WDPCP: variants seen among roughly 807,000 people sequenced by gnomAD.
WDPCP encodes WD repeat containing planar cell polarity effector, also known as WD repeat-containing and planar cell polarity effector protein fritz homolog.
A neutral mutation model predicts 93.1 loss-of-function variants in WDPCP; 71 were observed. The observed-to-expected ratio is 0.76, with a 90% CI of 0.63 to 0.93. The LOEUF (loss-of-function observed/expected upper bound fraction) is 0.93. WDPCP is among the 40% of genes least tolerant of loss of function. The pLI is 0.00. For missense variants in WDPCP, 844 were observed against 887.4 expected (o/e 0.95, Z 0.62); for synonymous variants, 315 against 315.0 (o/e 1.00, Z 0.00).
intron 12 of WDPCP, among the ~76,000 whole-genome samples, chr2:63,336,937 A>G (rs1296955166): frequency 8.1e-6 from 1 of 123,426 alleles, no homozygotes; most frequent in Non-Finnish European, 1.6e-5. Context: ...CTCTGTCACC[A>G]GGTTGGAGTG....
At chr2:63,605,978 T>A (rs754918954) in intron 3 of WDPCP, 1 of 1,614,210 alleles carries the variant, frequency 6.2e-7, no homozygotes, top group Non-Finnish European at 8.5e-7. Flanking sequence ...TGATGGCAAC[T>A]CCTATGGTGT....
At chr2:63,151,397 G>A (rs1319758017) in intron 17 of WDPCP, among the ~76,000 whole-genome samples, 1 of 152,072 alleles carries the variant, frequency 6.6e-6, no homozygotes, top group Non-Finnish European at 1.5e-5. Flanking sequence ...GCTACTTTTT[G>A]TGTTTTTAGT....
chr2:63,128,311 A>G (rs1489574916), intron 17 of WDPCP, among the ~76,000 whole-genome samples: 1 of 152,164 alleles, frequency 6.6e-6, no homozygotes, highest in Non-Finnish European at 1.5e-5. Flanking sequence ...TCAAACATGT[A>G]GCCCCAAGAT....
chr2:63,259,539 T>TTTAAG (rs1681439925), intron 13 of WDPCP, 130 bp from the exon 14 acceptor site: 2 of 808,794 alleles, frequency 2.5e-6, no homozygotes, highest in African/African-American at 1.7e-5. Flanking sequence ...TTTTCTGTGT[T>TTTAAG]TTAAGTTTCT....
At chr2:63,224,522 T>C (rs532524595) in intron 14 of WDPCP, among the ~76,000 whole-genome samples, 3 of 152,120 alleles carry the variant, frequency 2.0e-5, no homozygotes, top group African/African-American at 7.2e-5. Flanking sequence ...AGATAAACTG[T>C]GGTACATTTA....
chr2:63,299,930 A>C (rs1685196390), intron 13 of WDPCP, among the ~76,000 whole-genome samples: 1 of 152,148 alleles, frequency 6.6e-6, no homozygotes, highest in Admixed American at 6.5e-5. Context: ...GGACATTTTT[A>C]AGATGGCGGC....
At chr2:63,520,145 A>G (rs978188894) in intron 1 of WDPCP, among the ~76,000 whole-genome samples, 1 of 152,224 alleles carries the variant, frequency 6.6e-6, no homozygotes, top group Non-Finnish European at 1.5e-5. Flanking sequence ...CAGAGCTTGA[A>G]GACTGGTTCT....
At chr2:63,593,634 G>T, upstream of WDPCP, 2 of 471,642 alleles carry the variant, frequency 4.2e-6, no homozygotes. Context: ...TGCAGGTAGG[G>T]GTAAAGGTGA....
At chr2:63,661,284 T>C (rs1274563563) in intron 2 of WDPCP, among the ~76,000 whole-genome samples, 1 of 152,214 alleles carries the variant, frequency 6.6e-6, no homozygotes, top group East Asian at 1.9e-4. Context: ...AAATAGTTGT[T>C]GGTAGTATTC....
At chr2:63,623,454 A>T (rs951000765) in intron 3 of WDPCP, among the ~76,000 whole-genome samples, 8 of 152,188 alleles carry the variant, frequency 5.3e-5, no homozygotes, top group Non-Finnish European at 1.2e-4. Context: ...GTGTAAAGAC[A>T]CATACAGGCT....
chr2:63,835,679 T>C, the WDPCP span, among the ~76,000 whole-genome samples: 2 of 152,048 alleles, frequency 1.3e-5, no homozygotes, highest in Non-Finnish European at 2.9e-5. Flanking sequence ...AACTTAACAT[T>C]AGTATTTCAT....
chr2:63,295,978 C>T (rs908898001), intron 13 of WDPCP, among the ~76,000 whole-genome samples: 10 of 149,702 alleles, frequency 6.7e-5, no homozygotes, highest in Non-Finnish European at 1.3e-4. Context: ...CATGCAAAGA[C>T]ACAACAAATA....
chr2:63,515,893 G>A (rs1214205400), intron 1 of WDPCP, among the ~76,000 whole-genome samples: 3 of 151,980 alleles, frequency 2.0e-5, no homozygotes, highest in African/African-American at 4.8e-5. Flanking sequence ...GGTGGTGCAC[G>A]TCTGTAATCC....
At chr2:63,157,502 C>T (rs1385573853) in intron 15 of WDPCP, among the ~76,000 whole-genome samples, 3 of 152,086 alleles carry the variant, frequency 2.0e-5, no homozygotes, top group East Asian at 1.9e-4. Flanking sequence ...GTGAAACCAT[C>T]GGGACCTGGA....
chr2:63,700,282 C>CAAAAAAAAAA (rs1196006011), intron 2 of WDPCP, among the ~76,000 whole-genome samples: 41 of 41,540 alleles, frequency 9.9e-4, no homozygotes, highest in Non-Finnish European at 1.1e-3. Flanking sequence ...GACCCTGTCT[C>CAAAAAAAAAA]AAAAAAAAAA....
intron 13 of WDPCP, among the ~76,000 whole-genome samples, chr2:63,300,329 C>G (rs1275367358): frequency 6.6e-6 from 1 of 152,094 alleles, no homozygotes; most frequent in East Asian, 1.9e-4. Context: ...GTCTAGGATA[C>G]CAAGTACAAC....
intron 14 of WDPCP, among the ~76,000 whole-genome samples, chr2:63,192,492 A>C (rs960117919): frequency 2.0e-5 from 3 of 152,186 alleles, no homozygotes; most frequent in African/African-American, 4.8e-5. Context: ...ATTTGCATAT[A>C]TTATCTCTAA....
intron 2 of WDPCP, among the ~76,000 whole-genome samples, chr2:63,738,208 T>C (rs1669665455): frequency 6.6e-6 from 1 of 152,114 alleles, no homozygotes; most frequent in South Asian, 2.1e-4. Flanking sequence ...CTGCTTGGCC[T>C]GTGAGTCTGA....
intron 10 of WDPCP, 63 bp from the exon 11 acceptor site, chr2:63,382,157 T>G: frequency 6.6e-7 from 1 of 1,512,528 alleles, no homozygotes; most frequent in Non-Finnish European, 8.9e-7. Flanking sequence ...CAAAAAGAGT[T>G]AATTTTTCCA....
Sources: allele counts gnomAD v4.1 joint callset (sites outside exome capture counted in the v4.1 genomes callset), GRCh38; gene constraint gnomAD v4.1.1; transcripts MANE v1.5; gene names NCBI Gene and HGNC (gene_info 2026-07-23, HGNC 2026-07-21).